Variants in FRMD4B observed in about 807,000 individuals in gnomAD.
FRMD4B encodes the protein FERM domain containing 4B, also known as FERM domain-containing protein 4B.
In FRMD4B, 74 loss-of-function variants were observed where a neutral mutation model predicts 141.5. That is an observed-to-expected ratio of 0.52 (90% CI 0.43 to 0.63). The LOEUF is 0.63. Ranked by LOEUF, FRMD4B falls within the 30% of genes least tolerant of loss-of-function variation. The pLI, the probability that FRMD4B is intolerant of heterozygous loss-of-function variation, is 0.00. For synonymous variants in FRMD4B, 506 were observed against 467.9 expected, an observed-to-expected ratio of 1.08 and a Z score of -1.05; for missense variants, 1,366 against 1,253.4, an observed-to-expected ratio of 1.09 and a Z score of -1.36.
intron 21 of FRMD4B, among the ~76,000 whole-genome samples, chr3:69,179,909 A>G (rs1176038137): frequency 6.6e-6 from 1 of 152,168 alleles, no homozygotes; most frequent in African/African-American, 2.4e-5. Flanking sequence ...CCATACACAG[A>G]GCCTCCCCTA....
chr3:69,483,926 G>A (rs758471883), intron 1 of FRMD4B, among the ~76,000 whole-genome samples: 9 of 152,176 alleles, frequency 5.9e-5, no homozygotes, highest in South Asian at 2.1e-4. Context: ...GGTTTTTGTC[G>A]GTTCAGCTTG....
rs1575678974 is a variant in FRMD4B, at chr3:69,271,968, C to T, written c.501+15784G>A. Among the ~76,000 whole-genome samples, 4 of 152,058 alleles carry T rather than the reference C, an allele frequency of 2.6e-5. No homozygotes were observed. The South Asian group carries it at 8.3e-4, about 32-fold the overall frequency. On this transcript the variant is annotated intron_variant, in intron 5 of 22. Coordinates refer to ENST00000398540, the MANE Select transcript of FRMD4B (RefSeq NM_015123.3). Reference sequence around the variant, plus strand: ...CCAGCCTGGGTGACAGAGTGAGACTCTGTCTCAAAAAAATAAAAAATAAAA... The same window carrying T: ...CCAGCCTGGGTGACAGAGTGAGACTTTGTCTCAAAAAAATAAAAAATAAAA...
intron 19 of FRMD4B, among the ~76,000 whole-genome samples, chr3:69,186,994 T>C (rs1251751765): frequency 2.0e-5 from 3 of 152,176 alleles, no homozygotes; most frequent in African/African-American, 7.2e-5. Flanking sequence ...CCTGAGATAT[T>C]TGAGAAAATG....
chr3:69,328,023 T>C (rs1272582001), intron 1 of FRMD4B, among the ~76,000 whole-genome samples: 1 of 151,842 alleles, frequency 6.6e-6, no homozygotes, highest in African/African-American at 2.4e-5. Flanking sequence ...CATAGAAATA[T>C]GAAAAAGGAG....
chr3:69,193,504 G>T (rs778257951), intron 17 of FRMD4B, 144 bp downstream of exon 17: 95 of 609,710 alleles, frequency 1.6e-4, no homozygotes, highest in Non-Finnish European at 2.6e-4. Flanking sequence ...GTGAAACTCT[G>T]TCTCCAAATA....
At chr3:69,461,645 A>AAAAG (rs1553644390) in intron 1 of FRMD4B, among the ~76,000 whole-genome samples, 2 of 150,956 alleles carry the variant, frequency 1.3e-5, no homozygotes, top group African/African-American at 4.9e-5. Context: ...AAAAAAAAAA[A>AAAAG]AAAGAAACAG....
chr3:69,378,702 A>G (rs562928643), intron 1 of FRMD4B, among the ~76,000 whole-genome samples: 3 of 152,186 alleles, frequency 2.0e-5, no homozygotes, highest in African/African-American at 7.2e-5. Flanking sequence ...TTCCCCACAA[A>G]GATCTCCCCA....
At chr3:69,333,015 C>T (rs1419615707) in intron 1 of FRMD4B, among the ~76,000 whole-genome samples, 1 of 152,084 alleles carries the variant, frequency 6.6e-6, no homozygotes. Context: ...GTGCCTTTTA[C>T]AGTGGGAAGC....
intron 1 of FRMD4B, among the ~76,000 whole-genome samples, chr3:69,540,660 T>TATATATATACACACACACAC (rs1241897477): frequency 1.1e-4 from 6 of 56,862 alleles, no homozygotes; most frequent in African/African-American, 6.2e-4. Flanking sequence ...TATATATATA[T>TATATATATACACACACACAC]ACACACACAC....
intron 1 of FRMD4B, among the ~76,000 whole-genome samples, chr3:69,523,622 C>A (rs1271675364): frequency 6.6e-6 from 1 of 152,128 alleles, no homozygotes; most frequent in Non-Finnish European, 1.5e-5. Context: ...CCAACAACAG[C>A]CCTTCCTAGA....
intron 1 of FRMD4B, among the ~76,000 whole-genome samples, chr3:69,519,315 G>A (rs1173997141): frequency 6.6e-6 from 1 of 152,138 alleles, no homozygotes; most frequent in Non-Finnish European, 1.5e-5. Flanking sequence ...GGAAAGCTAG[G>A]TTGTGCAAAG....
At chr3:69,345,310 G>C (rs1287002773) in intron 1 of FRMD4B, among the ~76,000 whole-genome samples, 1 of 152,216 alleles carries the variant, frequency 6.6e-6, no homozygotes, top group Admixed American at 6.5e-5. Flanking sequence ...CCATTGCTGA[G>C]GCTTGAGTAG....
chr3:69,289,103 G>A (rs1223039656), intron 4 of FRMD4B, among the ~76,000 whole-genome samples: 3 of 152,194 alleles, frequency 2.0e-5, no homozygotes, highest in Non-Finnish European at 4.4e-5. Context: ...TCAGATTTAT[G>A]AGAAGAGAAA....
intron 1 of FRMD4B, among the ~76,000 whole-genome samples, chr3:69,476,944 A>G (rs368567064): frequency 6.6e-6 from 1 of 151,884 alleles, no homozygotes; most frequent in African/African-American, 2.4e-5. Context: ...GGATTCCTAG[A>G]TATTTTATTC....
In FRMD4B at chr3:69,182,689, A is replaced by G. The variant is rs1165824215; in HGVS notation, c.1948T>C (p.Tyr650His). ...REMLSTHSSP[Y>H]KTLERRPQGG... ...TGGGGCCGCCTCTCCAGAGTTTTGT[A>G]AGGGCTGCTGTGTGTGGACAGCATT... Residue 650 changes from tyrosine to histidine, a missense_variant, in exon 20 of 23, where the codon TAC becomes CAC. Coordinates refer to ENST00000398540, the MANE Select transcript of FRMD4B (RefSeq NM_015123.3). 2 of 1,613,526 alleles carry G rather than the reference A, an allele frequency of 1.2e-6. No homozygotes were observed. The highest frequency in any genetic ancestry group is 2.2e-5 in the East Asian group (1 of 44,868).
At chr3:69,269,506 C>T (rs1437572366) in intron 5 of FRMD4B, among the ~76,000 whole-genome samples, 1 of 149,906 alleles carries the variant, frequency 6.7e-6, no homozygotes, top group African/African-American at 2.5e-5. Context: ...AATCCCCTAC[C>T]TCTGATACCC....
intron 2 of FRMD4B, among the ~76,000 whole-genome samples, chr3:69,393,830 A>T (rs1403726105): frequency 6.6e-6 from 1 of 152,188 alleles, no homozygotes; most frequent in Non-Finnish European, 1.5e-5. Context: ...TCCCAAGAAC[A>T]AGTAGGAGAA....
At chr3:69,513,949 A>G (rs1325836920) in intron 1 of FRMD4B, among the ~76,000 whole-genome samples, 1 of 152,180 alleles carries the variant, frequency 6.6e-6, no homozygotes, top group African/African-American at 2.4e-5. Context: ...AGCTAACATA[A>G]TACTCAATGG....
At chr3:69,172,022 T>C in intron 22 of FRMD4B, 41 bp from the exon 23 acceptor site, 1 of 1,603,052 alleles carries the variant, frequency 6.2e-7, no homozygotes, top group Non-Finnish European at 8.5e-7. Flanking sequence ...TGTGGCCATA[T>C]TTTTGTCCCC....
Sources: allele counts gnomAD v4.1 joint callset (sites outside exome capture counted in the v4.1 genomes callset), GRCh38; gene constraint gnomAD v4.1.1; transcripts MANE v1.5; gene names NCBI Gene and HGNC (gene_info 2026-07-23, HGNC 2026-07-21).